Variants in SCML4 observed in about 807,000 individuals in gnomAD.
SCML4 encodes the protein sex comb on midleg-like protein 4.
Under a neutral mutation model 41.1 loss-of-function variants are expected in SCML4, and 34 were observed. That is an observed-to-expected ratio of 0.83 (90% CI 0.63 to 1.10). SCML4 has a LOEUF of 1.10. SCML4 is among the 50% of genes least tolerant of loss of function. SCML4 has a pLI of 0.00. For missense variants in SCML4, 522 were observed against 534.1 expected, an observed-to-expected ratio of 0.98 and a Z score of 0.22; for synonymous variants, 214 against 220.9, an observed-to-expected ratio of 0.97 and a Z score of 0.28.
chr6:107,773,412 C>T (rs974438892), intron 1 of SCML4, among the ~76,000 whole-genome samples: 1 of 151,736 alleles, frequency 6.6e-6, no homozygotes, highest in African/African-American at 2.4e-5. Context: ...GACAACATAG[C>T]GAAACCCCAT....
intron 1 of SCML4, among the ~76,000 whole-genome samples, chr6:107,785,963 G>A (rs1781857524): frequency 6.6e-6 from 1 of 151,656 alleles, no homozygotes; most frequent in Non-Finnish European, 1.5e-5. Flanking sequence ...ACTCCAAGGG[G>A]GCCTTGGGGT....
At chr6:107,736,537 C>T (rs1777084731) in intron 5 of SCML4, among the ~76,000 whole-genome samples, 1 of 152,146 alleles carries the variant, frequency 6.6e-6, no homozygotes, top group Non-Finnish European at 1.5e-5. Context: ...TGACCTGGGC[C>T]CTGTGCGCCT....
intron 1 of SCML4, among the ~76,000 whole-genome samples, chr6:107,785,918 C>T (rs1368824215): frequency 1.3e-5 from 2 of 152,106 alleles, no homozygotes; most frequent in Admixed American, 6.5e-5. Flanking sequence ...ACAGCTCCTC[C>T]GCACCTCACC....
chr6:107,839,407 A>AAGAAAG, the SCML4 span, among the ~76,000 whole-genome samples: 14 of 146,474 alleles, frequency 9.6e-5, no homozygotes, highest in African/African-American at 3.8e-4. Context: ...GAAAGAAAGA[A>AAGAAAG]AGAGGAAGAA....
chr6:107,707,517 A>G (rs1773773153), intron 7 of SCML4, among the ~76,000 whole-genome samples: 1 of 152,214 alleles, frequency 6.6e-6, no homozygotes, highest in South Asian at 2.1e-4. Flanking sequence ...GTTTAGGAAC[A>G]GGTGCTACTG....
intron 2 of SCML4, among the ~76,000 whole-genome samples, chr6:107,756,562 A>C (rs1351770920): frequency 2.0e-5 from 3 of 152,204 alleles, no homozygotes; most frequent in Non-Finnish European, 4.4e-5. Flanking sequence ...GGATCCTGGA[A>C]TAGAATAGAA....
chr6:107,778,732 C>G (rs2114588438), intron 1 of SCML4, among the ~76,000 whole-genome samples: 1 of 152,308 alleles, frequency 6.6e-6, no homozygotes, highest in South Asian at 2.1e-4. Flanking sequence ...AAAGCATACT[C>G]CAATCCCATG....
At chr6:107,716,597 T>C (rs1562172868) in intron 6 of SCML4, among the ~76,000 whole-genome samples, 1 of 151,952 alleles carries the variant, frequency 6.6e-6, no homozygotes, top group Non-Finnish European at 1.5e-5. Context: ...AAGCTGAGGG[T>C]CTGTTCCTTT....
the SCML4 span, among the ~76,000 whole-genome samples, chr6:107,839,209 C>T: frequency 6.6e-6 from 1 of 151,852 alleles, no homozygotes; most frequent in South Asian, 2.1e-4. Context: ...AGGAGAATCA[C>T]CTGAGCCCTG....
rs765566158 is a variant in SCML4, at chr6:107,720,935, G to A, written c.741C>T (p.Ser247=). Reference sequence around the variant, plus strand: ...TAAAGGTGGAGGCGGAGGTGTCCACGCTGTAGCGGTTCATGCCCACAGGGT... The same window carrying A: ...TAAAGGTGGAGGCGGAGGTGTCCACACTGTAGCGGTTCATGCCCACAGGGT... The part of the protein sequence containing the change: ...LVNPVGMNRY[S]VDTSASTFNH... The change falls in exon 6 of 8, where the codon AGC becomes AGT. Residue 247 remains serine (S), a synonymous_variant. Coordinates refer to ENST00000369020, the MANE Select transcript of SCML4 (RefSeq NM_198081.5). 7.4e-6 allele frequency: 12 copies of A among 1,614,032 alleles called. No individual in the cohort carries two copies. The highest frequency in any genetic ancestry group is 3.3e-5 in the South Asian group (3 of 91,062).
At chr6:107,727,325 T>G (rs929138369) in intron 5 of SCML4, among the ~76,000 whole-genome samples, 1 of 152,252 alleles carries the variant, frequency 6.6e-6, no homozygotes. Context: ...ATTCTACAAT[T>G]GACTGTGCTG....
At position 107,813,824 on chromosome 6, in the gene SCML4, G is replaced by C. The variant is rs147460672; in HGVS notation, c.-60+10302C>G. Among the ~76,000 whole-genome samples, 144 of 152,334 alleles carry C rather than the reference G, an allele frequency of 9.5e-4. 3 individuals are homozygous for C. The East Asian group carries it at 0.025, about 27-fold the overall frequency. ...TTTGTCTGTGGTCAGTGTGGCAGCAGCTAGGGTGGCTGGGACTTGGTGGTC... is the reference window on the plus strand; with the variant it reads ...TTTGTCTGTGGTCAGTGTGGCAGCACCTAGGGTGGCTGGGACTTGGTGGTC... On this transcript the variant is annotated intron_variant, in intron 1 of 7. Coordinates refer to ENST00000369020, the MANE Select transcript of SCML4 (RefSeq NM_198081.5).
the SCML4 span, among the ~76,000 whole-genome samples, chr6:107,843,801 T>G: frequency 2.0e-5 from 3 of 152,150 alleles, no homozygotes; most frequent in Non-Finnish European, 4.4e-5. Context: ...GCAGGGACTT[T>G]GCCACACACT....
At position 107,703,120 on chromosome 6, in the gene SCML4, C is replaced by A. The variant is rs908145364; in HGVS notation, c.*2080G>T. On this transcript the variant is annotated 3_prime_UTR_variant, in exon 8 of 8. Transcript: ENST00000369020. ...AAAAGGGGGAGGCATGAATAATCCA[C>A]CCCTTGTTTAGCATATCAAGAAATA... Among the ~76,000 whole-genome samples the A allele has an allele frequency of 6.6e-6, 1 of 152,194 alleles. No individual in the cohort carries two copies. Among genetic ancestry groups the A allele is most frequent in the Non-Finnish European group, 1.5e-5 (1 of 68,030 alleles).
intron 2 of SCML4, among the ~76,000 whole-genome samples, chr6:107,766,230 C>T (rs1463284989): frequency 4.6e-5 from 7 of 152,032 alleles, no homozygotes; most frequent in African/African-American, 1.4e-4. Context: ...ATTAGCCGGG[C>T]GTGGTGGTGC....
chr6:107,822,185 AGT>A (rs1404663933), intron 1 of SCML4, among the ~76,000 whole-genome samples: 1 of 152,218 alleles, frequency 6.6e-6, no homozygotes, highest in Non-Finnish European at 1.5e-5. Flanking sequence ...TTAATAGGAA[AGT>A]GTTACTGAGT....
the SCML4 span, among the ~76,000 whole-genome samples, chr6:107,838,445 C>T: frequency 6.6e-6 from 1 of 152,156 alleles, no homozygotes; most frequent in African/African-American, 2.4e-5. Context: ...CATTGACAGG[C>T]GCGTTGTCAG....
At chr6:107,763,679 G>A (rs12204940) in intron 2 of SCML4, among the ~76,000 whole-genome samples, 111,077 of 152,054 alleles carry the variant, frequency 0.73, 41,867 homozygotes, top group East Asian at 0.9. Flanking sequence ...GAGCCACTGC[G>A]CCTGGCCGGG....
chr6:107,786,381 T>C (rs549484362), intron 1 of SCML4, among the ~76,000 whole-genome samples: 6 of 152,284 alleles, frequency 3.9e-5, no homozygotes, highest in African/African-American at 1.4e-4. Context: ...CTACAAAAAT[T>C]TGTGTTTCTC....
Sources: gnomAD v4.1 joint callset for allele counts (sites outside exome capture counted in the v4.1 genomes callset) on GRCh38, gnomAD v4.1.1 for gene constraint, MANE v1.5 for transcripts, NCBI Gene and HGNC (gene_info 2026-07-23, HGNC 2026-07-21) for gene names.